Variants in MGST1 observed in about 807,000 individuals in gnomAD.
The protein encoded by MGST1 is microsomal glutathione S-transferase 1, also known as glutathione S-transferase 12.
A neutral mutation model predicts 8.9 loss-of-function variants in MGST1; 5 were observed. That is an observed-to-expected ratio of 0.56 (90% CI 0.29 to 1.19). The LOEUF (loss-of-function observed/expected upper bound fraction) is 1.19. Among genes scored for constraint, MGST1 ranks in the 50% most tolerant of loss-of-function variants. The probability of loss-of-function intolerance (pLI) is 0.08; values close to 1 mark genes in which losing one functional copy is unlikely to be tolerated. For synonymous variants in MGST1, 54 were observed against 67.8 expected (o/e 0.80, Z 1.00); for missense variants, 182 against 187.4 (o/e 0.97, Z 0.17).
chr12:16,394,513 C>CCTTTCTTT lies in MGST1; in HGVS notation n.778+10965_778+10972dup, dbSNP rs766001588. On this transcript the variant is annotated intron_variant and non_coding_transcript_variant, in intron 1 of 1. Coordinates refer to the MGST1 transcript ENST00000359720. Reference sequence around the variant, plus strand: ...TTCTTTCTTTCTCTCTCTTTCTCTCCCTTTCTTTCTTTCTTTCTTTCTTTC... The same window carrying CCTTTCTTT: ...TTCTTTCTTTCTCTCTCTTTCTCTCCCTTTCTTTCTTTCTTTCTTTCTTTCTTTCTTTC... 4.1e-3 allele frequency among the ~76,000 whole-genome samples: 346 copies of CCTTTCTTT among 84,444 alleles called. 3 individuals carry two copies. Among genetic ancestry groups the CCTTTCTTT allele is most frequent in the African/African-American group, 9.3e-3 (195 of 20,936 alleles). 55.4% of individuals were successfully genotyped at this position (84,444 alleles called of 152,430 possible). A position where few individuals can be genotyped will look rare whatever the true frequency, so the allele number is the denominator to read the frequency against.
rs1278138998 is a variant in MGST1 at position 16,401,299 on chromosome 12, A to G, written n.778+17695A>G. The G allele has an allele frequency of 3.5e-5, 52 of 1,493,270 alleles. No individual in the cohort carries two copies. Among genetic ancestry groups the G allele is most frequent in the Non-Finnish European group, 4.4e-5 (47 of 1,073,358 alleles). 92.5% of individuals were successfully genotyped at this position (1,493,270 alleles called of 1,614,324 possible). A position where few individuals can be genotyped will look rare whatever the true frequency, so the allele number is the denominator to read the frequency against. On this transcript the variant is annotated intron_variant and non_coding_transcript_variant, in intron 1 of 1. Transcript: ENST00000359720. This position sits in a 1 kb window ranked among gnomAD's most constrained non-coding sequence, Gnocchi z 4.3. ...GAATCCCAAACTGATGCTGAAAACC[A>G]TTCCTGTCTTCAGTTTGTATTGATT...
At chr12:16,568,096 G>C (rs1409647381) in intron 4 of MGST1, among the ~76,000 whole-genome samples, 1 of 152,170 alleles carries the variant, frequency 6.6e-6, no homozygotes, top group African/African-American at 2.4e-5. Flanking sequence ...GAATACTAAA[G>C]GTGAGGAAAG....
chr12:16,435,957 A>C (rs1591727475), intron 1 of MGST1, among the ~76,000 whole-genome samples: 1 of 150,216 alleles, frequency 6.7e-6, no homozygotes, highest in East Asian at 2.0e-4. Context: ...TCTGTATGAT[A>C]TCTTTTAAAG....
chr12:16,566,497 A>G (rs1159279019), intron 4 of MGST1, among the ~76,000 whole-genome samples: 1 of 152,164 alleles, frequency 6.6e-6, no homozygotes, highest in African/African-American at 2.4e-5. Context: ...ATATATATGC[A>G]TTGAAACATC....
At chr12:16,580,077 T>C (rs2137527576) in intron 4 of MGST1, among the ~76,000 whole-genome samples, 1 of 152,332 alleles carries the variant, frequency 6.6e-6, no homozygotes. Flanking sequence ...TTTCCTGATA[T>C]TATACAATAT....
At chr12:16,432,267 C>T (rs900959450) in intron 1 of MGST1, among the ~76,000 whole-genome samples, 3 of 152,124 alleles carry the variant, frequency 2.0e-5, no homozygotes, top group African/African-American at 7.2e-5. Context: ...GTACCTACAT[C>T]ATAATTCAAT....
rs116086907 is a variant in MGST1 at position 16,447,591 on chromosome 12, G to T, written n.482+63987G>T. On this transcript the variant is annotated intron_variant and non_coding_transcript_variant, in intron 4 of 4. Transcript: ENST00000538857. ...GTGCATCTGACTGATCTCATATGTC[G>T]GGATACCAGGGATTCCTAGCAAGGG... is the stretch of plus-strand genomic sequence containing the variant. Among the ~76,000 whole-genome samples the T allele has an allele frequency of 2.0e-5, 3 of 151,892 alleles. No individual in the cohort carries two copies. In the East Asian group the frequency reaches 5.8e-4, roughly 30 times the overall value.
intron 4 of MGST1, among the ~76,000 whole-genome samples, chr12:16,580,829 C>T (rs1306342343): frequency 1.3e-5 from 2 of 152,074 alleles, no homozygotes; most frequent in Non-Finnish European, 2.9e-5. Flanking sequence ...CTTATAGTTG[C>T]TTTGCAATAA....
chr12:16,474,701 A>G (rs982342768), intron 4 of MGST1, among the ~76,000 whole-genome samples: 4 of 152,140 alleles, frequency 2.6e-5, no homozygotes, highest in African/African-American at 7.2e-5. Flanking sequence ...AGAAATGACA[A>G]ATGGTTATCT....
chr12:16,489,982 G>T (rs1388470835), intron 4 of MGST1, among the ~76,000 whole-genome samples: 3 of 152,098 alleles, frequency 2.0e-5, no homozygotes, highest in Non-Finnish European at 4.4e-5. Flanking sequence ...AAAACTTTAG[G>T]CTGGGTGTGG....
chr12:16,496,461 C>T (rs1160573242), intron 4 of MGST1, among the ~76,000 whole-genome samples: 1 of 152,072 alleles, frequency 6.6e-6, no homozygotes, highest in East Asian at 1.9e-4. Context: ...CAGCAACACA[C>T]ATTTTAAGTT....
chr12:16,514,180 A>G, intron 4 of MGST1: 1 of 326,742 alleles, frequency 3.1e-6, no homozygotes, highest in Non-Finnish European at 5.9e-6. Flanking sequence ...CACTCTGCCA[A>G]TTATACGCCA....
chr12:16,373,397 A>G (rs994101863), intron 3 of MGST1, among the ~76,000 whole-genome samples: 4 of 152,022 alleles, frequency 2.6e-5, no homozygotes, highest in African/African-American at 9.7e-5. Flanking sequence ...AATAACTAGA[A>G]GAATGCAATT....
intron 1 of MGST1, among the ~76,000 whole-genome samples, chr12:16,421,997 A>C (rs942192739): frequency 6.6e-6 from 1 of 152,122 alleles, no homozygotes; most frequent in Non-Finnish European, 1.5e-5. Flanking sequence ...TTTTGGCAGC[A>C]GTGTCGCTGG....
chr12:16,402,397 G>C (rs369340673), intron 1 of MGST1: 25 of 1,604,446 alleles, frequency 1.6e-5, no homozygotes, highest in South Asian at 1.4e-4. Context: ...GATAATAAGC[G>C]TCTTTGTCCA....
chr12:16,480,302 C>A (rs1387423235), intron 4 of MGST1, among the ~76,000 whole-genome samples: 1 of 151,866 alleles, frequency 6.6e-6, no homozygotes, highest in Non-Finnish European at 1.5e-5. Flanking sequence ...ACCACCACAC[C>A]CAGCTAATTT....
intron 1 of MGST1, among the ~76,000 whole-genome samples, chr12:16,408,253 A>G (rs1197502179): frequency 6.6e-6 from 1 of 152,056 alleles, no homozygotes; most frequent in South Asian, 2.1e-4. Context: ...GAAGCAAAAA[A>G]ACAATAATAA....
chr12:16,363,720 T>G lies in MGST1; in HGVS notation c.222-75T>G, dbSNP rs1021513001. 13 of 1,304,310 alleles carry G rather than the reference T, an allele frequency of 1.0e-5. No homozygotes were observed. The East Asian group carries it at 2.9e-4, about 29-fold the overall frequency. 80.8% of individuals were successfully genotyped at this position (1,304,310 alleles called of 1,614,324 possible). On this transcript the variant is annotated intron_variant, in intron 3 of 3. Coordinates refer to ENST00000396210, the MANE Select transcript of MGST1 (RefSeq NM_020300.5). The surrounding 1 kb of genome is among the most constrained non-coding windows in gnomAD (Gnocchi z 4.6). ...ATCCATTAGTGCTCAGATTTAGTTT[T>G]TAGAAGAGAGAGAAAAAAGGATACA...
intron 2 of MGST1, among the ~76,000 whole-genome samples, chr12:16,356,458 G>C (rs370390917): frequency 3.3e-5 from 5 of 152,192 alleles, no homozygotes; most frequent in African/African-American, 7.2e-5. Flanking sequence ...GAGGAAAACT[G>C]ATGGGCAGTA....
Sources: allele counts gnomAD v4.1 joint callset (sites outside exome capture counted in the v4.1 genomes callset), GRCh38; gene constraint gnomAD v4.1.1; non-coding constraint Gnocchi (gnomAD v3.1); transcripts MANE v1.5; gene names NCBI Gene and HGNC (gene_info 2026-07-23, HGNC 2026-07-21).